The following ZNF385B variants were observed in gnomAD, a reference collection of about 807,000 sequenced individuals.
The protein encoded by ZNF385B is zinc finger protein 533.
Under a neutral mutation model 39.2 loss-of-function variants are expected in ZNF385B, and 23 were observed. That is an observed-to-expected ratio of 0.59 (90% CI 0.42 to 0.83). The LOEUF (loss-of-function observed/expected upper bound fraction) is 0.83. Ranked by LOEUF, ZNF385B falls within the 40% of genes least tolerant of loss-of-function variation. The pLI, the probability that ZNF385B is intolerant of heterozygous loss-of-function variation, is 0.00. For missense variants in ZNF385B, 552 were observed against 598.9 expected (o/e 0.92, Z 0.82); for synonymous variants, 205 against 222.6 (o/e 0.92, Z 0.70).
chr2:179,598,762 A>G (rs371751869), intron 3 of ZNF385B, among the ~76,000 whole-genome samples: 4 of 152,186 alleles, frequency 2.6e-5, no homozygotes, highest in African/African-American at 9.7e-5. Context: ...AACTTTTGAA[A>G]TTGTGACATC....
At chr2:179,714,438 T>A (rs780364198) in intron 3 of ZNF385B, among the ~76,000 whole-genome samples, 1 of 152,174 alleles carries the variant, frequency 6.6e-6, no homozygotes, top group African/African-American at 2.4e-5. Context: ...TCAGCTTTAT[T>A]TTCAACCATG....
intron 5 of ZNF385B, among the ~76,000 whole-genome samples, chr2:179,488,440 G>T (rs943905940): frequency 6.6e-6 from 1 of 152,104 alleles, no homozygotes; most frequent in African/African-American, 2.4e-5. Flanking sequence ...CACTGCGCAC[G>T]GCCTGATTTT....
At chr2:179,649,716 GA>G (rs1693042085) in intron 3 of ZNF385B, among the ~76,000 whole-genome samples, 1 of 152,016 alleles carries the variant, frequency 6.6e-6, no homozygotes, top group Non-Finnish European at 1.5e-5. Flanking sequence ...GTTTTACTCT[GA>G]AACAAAGCAC....
chr2:179,457,413 C>T (rs1200918759), intron 6 of ZNF385B, among the ~76,000 whole-genome samples: 2 of 151,900 alleles, frequency 1.3e-5, no homozygotes, highest in African/African-American at 2.4e-5. Context: ...AATTATTGGG[C>T]CACAAGATAT....
intron 3 of ZNF385B, among the ~76,000 whole-genome samples, chr2:179,732,683 G>T (rs1455706599): frequency 2.0e-5 from 3 of 152,072 alleles, no homozygotes; most frequent in Non-Finnish European, 4.4e-5. Flanking sequence ...TAAACTCCTA[G>T]AAGCAAGAGA....
chr2:179,706,286 T>C (rs1212693604), intron 3 of ZNF385B, among the ~76,000 whole-genome samples: 1 of 152,132 alleles, frequency 6.6e-6, no homozygotes, highest in Non-Finnish European at 1.5e-5. Flanking sequence ...CATATAAACT[T>C]GCATGTTTTT....
intron 3 of ZNF385B, among the ~76,000 whole-genome samples, chr2:179,606,603 A>G (rs1193003652): frequency 6.6e-6 from 1 of 152,150 alleles, no homozygotes; most frequent in East Asian, 1.9e-4. Context: ...ATAATTTAAA[A>G]TTTAATAGCT....
rs2049515294 is a variant in ZNF385B at position 179,446,662 on chromosome 2, G to A, written c.824C>T (p.Thr275Ile). ...GTTPLPPGAATSPSKSTNGAP... is the reference protein window; with the variant it reads ...GTTPLPPGAAISPSKSTNGAP... ...TCCATTTGTGCTCTTGGAGGGAGAA[G>A]TGGCTGCTCCAGGTGGCAGGGGTGT... Residue 275 changes from threonine (T) to isoleucine (I), a missense_variant, in exon 7 of 10, where the codon ACT (threonine) becomes ATT (isoleucine). Coordinates refer to ENST00000410066, the MANE Select transcript of ZNF385B (RefSeq NM_152520.6). The A allele has an allele frequency of 6.2e-7, 1 of 1,614,136 alleles. No homozygotes were observed. The highest frequency in any genetic ancestry group is 1.3e-5 in the African/African-American group (1 of 75,034).
chr2:179,631,018 T>C (rs978383345), intron 3 of ZNF385B, among the ~76,000 whole-genome samples: 1 of 152,130 alleles, frequency 6.6e-6, no homozygotes, highest in African/African-American at 2.4e-5. Flanking sequence ...CAGGGGGCTA[T>C]GTGAAAAGAC....
chr2:179,575,181 C>T (rs547647150), intron 3 of ZNF385B, among the ~76,000 whole-genome samples: 8 of 152,172 alleles, frequency 5.3e-5, no homozygotes, highest in East Asian at 1.9e-4. Flanking sequence ...CCCAGAACCA[C>T]GCTGAAAGCC....
intron 3 of ZNF385B, among the ~76,000 whole-genome samples, chr2:179,696,325 A>ATTTTT (rs1333224792): frequency 6.1e-4 from 6 of 9,834 alleles, no homozygotes; most frequent in Non-Finnish European, 1.3e-3. Context: ...ACAAACTGGG[A>ATTTTT]CTTTTTTTTT....
intron 4 of ZNF385B, among the ~76,000 whole-genome samples, chr2:179,543,598 C>G (rs1002850552): frequency 2.6e-5 from 4 of 151,896 alleles, no homozygotes; most frequent in Admixed American, 6.6e-5. Flanking sequence ...TCAATGAAAC[C>G]AAGGCAGGCA....
chr2:179,842,059 G>A (rs1708564428), intron 1 of ZNF385B, among the ~76,000 whole-genome samples: 1 of 152,158 alleles, frequency 6.6e-6, no homozygotes, highest in South Asian at 2.1e-4. Flanking sequence ...CCTCATATCT[G>A]TGAGATGGAG....
intron 1 of ZNF385B, among the ~76,000 whole-genome samples, chr2:179,830,548 G>A (rs35870821): frequency 0.024 from 3,698 of 152,216 alleles, 65 homozygotes; most frequent in African/African-American, 0.044. Flanking sequence ...AAAGAAATGA[G>A]CTGTCAAGCC....
intron 3 of ZNF385B, among the ~76,000 whole-genome samples, chr2:179,762,411 C>CA (rs1397231662): frequency 6.6e-5 from 10 of 152,102 alleles, no homozygotes; most frequent in Non-Finnish European, 1.2e-4. Context: ...AGGCTGGTCT[C>CA]AAACTGCTGA....
intron 3 of ZNF385B, among the ~76,000 whole-genome samples, chr2:179,550,414 C>T (rs1454361127): frequency 6.7e-6 from 1 of 149,444 alleles, no homozygotes; most frequent in Non-Finnish European, 1.5e-5. Flanking sequence ...GGTTGGAATG[C>T]GCAATGATCC....
intron 3 of ZNF385B, among the ~76,000 whole-genome samples, chr2:179,700,945 G>A (rs1044311648): frequency 9.9e-5 from 15 of 152,120 alleles, no homozygotes; most frequent in African/African-American, 3.4e-4. Context: ...CCGGGAAGGC[G>A]GAGCTTGCAG....
chr2:179,446,058 T>A (rs2049441002), intron 7 of ZNF385B, among the ~76,000 whole-genome samples: 1 of 152,156 alleles, frequency 6.6e-6, no homozygotes, highest in Non-Finnish European at 1.5e-5. Context: ...ATGGGGATCA[T>A]ACTAATTAAA....
intron 1 of ZNF385B, among the ~76,000 whole-genome samples, chr2:179,859,644 T>C (rs1349196267): frequency 6.6e-6 from 1 of 152,218 alleles, no homozygotes; most frequent in Non-Finnish European, 1.5e-5. Context: ...AAATCACTTT[T>C]GGAAATAGGT....
Sources: gnomAD v4.1 joint callset for allele counts (sites outside exome capture counted in the v4.1 genomes callset) on GRCh38, gnomAD v4.1.1 for gene constraint, MANE v1.5 for transcripts, NCBI Gene and HGNC (gene_info 2026-07-23, HGNC 2026-07-21) for gene names.